Variants in SKAP1 observed in about 807,000 individuals in gnomAD.
SKAP1 encodes the protein src kinase associated phosphoprotein 1, also known as src kinase-associated phosphoprotein 1.
Under a neutral mutation model 58.5 loss-of-function variants are expected in SKAP1, and 44 were observed. The observed-to-expected ratio is 0.75, with a 90% CI of 0.59 to 0.97. The LOEUF (loss-of-function observed/expected upper bound fraction) is 0.97, where lower values mean the gene tolerates loss of function less well. SKAP1 is among the 50% of genes least tolerant of loss of function. The pLI is 0.00. For missense variants in SKAP1, 390 were observed against 435.2 expected (o/e 0.90, Z 0.92); for synonymous variants, 127 against 149.7 (o/e 0.85, Z 1.11).
intron 4 of SKAP1, among the ~76,000 whole-genome samples, chr17:48,208,066 A>G (rs1458920559): frequency 6.6e-6 from 1 of 152,244 alleles, no homozygotes; most frequent in Non-Finnish European, 1.5e-5. Flanking sequence ...TTTAAAAAAT[A>G]ATCAGAAACA....
At chr17:48,140,756 C>T in intron 11 of SKAP1, among the ~76,000 whole-genome samples, 1 of 148,864 alleles carries the variant, frequency 6.7e-6, no homozygotes, top group East Asian at 2.0e-4. Flanking sequence ...TCACCTTCTT[C>T]TTCTTTCTTC....
chr17:48,199,864 G>A (rs1288026059), intron 4 of SKAP1, among the ~76,000 whole-genome samples: 2 of 152,016 alleles, frequency 1.3e-5, no homozygotes, highest in East Asian at 1.9e-4. Flanking sequence ...TGAACAGAAC[G>A]TTATAGTACC....
At chr17:48,409,121 T>C (rs2067628664) in intron 1 of SKAP1, among the ~76,000 whole-genome samples, 1 of 152,194 alleles carries the variant, frequency 6.6e-6, no homozygotes, top group Non-Finnish European at 1.5e-5. Context: ...GTAAAGAAAC[T>C]TGCTCCCAGG....
intron 2 of SKAP1, among the ~76,000 whole-genome samples, chr17:48,370,515 G>A (rs1429758847): frequency 6.6e-6 from 1 of 152,030 alleles, no homozygotes; most frequent in African/African-American, 2.4e-5. Flanking sequence ...GTTGCCCTAG[G>A]CTGGTCTCAA....
intron 4 of SKAP1, among the ~76,000 whole-genome samples, chr17:48,302,347 T>G (rs1191405778): frequency 1.3e-5 from 2 of 152,156 alleles, no homozygotes; most frequent in African/African-American, 2.4e-5. Context: ...AGAACACATA[T>G]TCTTACTTCA....
chr17:48,317,822 A>G (rs780249183), intron 4 of SKAP1, among the ~76,000 whole-genome samples: 1 of 152,184 alleles, frequency 6.6e-6, no homozygotes, highest in Non-Finnish European at 1.5e-5. Context: ...TTAAGTTAGA[A>G]GGCATCATAC....
intron 3 of SKAP1, among the ~76,000 whole-genome samples, chr17:48,346,431 C>T (rs983201964): frequency 6.6e-6 from 1 of 152,074 alleles, no homozygotes; most frequent in African/African-American, 2.4e-5. Flanking sequence ...CAAGATCAGC[C>T]TGGCCAATAT....
At chr17:48,364,472 C>T (rs146923041) in intron 2 of SKAP1, among the ~76,000 whole-genome samples, 81 of 152,234 alleles carry the variant, frequency 5.3e-4, no homozygotes, top group African/African-American at 1.7e-3. Flanking sequence ...GTCAGCAGTT[C>T]GAGACCAGTC....
At chr17:48,262,931 A>G (rs1009019582) in intron 4 of SKAP1, among the ~76,000 whole-genome samples, 1 of 152,240 alleles carries the variant, frequency 6.6e-6, no homozygotes, top group East Asian at 1.9e-4. Context: ...GTCAGCAAGG[A>G]AAAAGAAGCT....
At chr17:48,311,172 G>T (rs1375658293) in intron 4 of SKAP1, among the ~76,000 whole-genome samples, 1 of 152,144 alleles carries the variant, frequency 6.6e-6, no homozygotes, top group African/African-American at 2.4e-5. Flanking sequence ...AGTACAAATC[G>T]AGTGTCACCC....
At chr17:48,302,060 C>T (rs2066065597) in intron 4 of SKAP1, among the ~76,000 whole-genome samples, 1 of 152,166 alleles carries the variant, frequency 6.6e-6, no homozygotes, top group South Asian at 2.1e-4. Context: ...AATAGCGTAT[C>T]ATAATGATCA....
At chr17:48,216,316 T>C (rs1389796056) in intron 4 of SKAP1, among the ~76,000 whole-genome samples, 4 of 152,212 alleles carry the variant, frequency 2.6e-5, no homozygotes, top group Non-Finnish European at 5.9e-5. Flanking sequence ...AGACTCTGAA[T>C]AGAGAGCTTA....
At position 48,277,745 on chromosome 17, in the gene SKAP1, C is replaced by T. The variant is rs2065718146; in HGVS notation, c.280+68160G>A. Among the ~76,000 whole-genome samples the T allele has an allele frequency of 2.0e-5, 3 of 152,144 alleles. No homozygotes were observed. In the South Asian group the frequency reaches 6.2e-4, roughly 32 times the overall value. On this transcript the variant is annotated intron_variant, in intron 4 of 12. Transcript: ENST00000336915. ...CTCCCAAGTAGCTTAGGACTACAGT[C>T]TCATACCTCTATGTCCAGCCAATTT...
At chr17:48,382,743 T>C (rs1008791225) in intron 2 of SKAP1, among the ~76,000 whole-genome samples, 4 of 152,306 alleles carry the variant, frequency 2.6e-5, no homozygotes, top group Admixed American at 2.6e-4. Flanking sequence ...CTGAATGTCC[T>C]CAGTGAAGCC....
intron 4 of SKAP1, among the ~76,000 whole-genome samples, chr17:48,199,032 A>G (rs1490887968): frequency 2.6e-5 from 4 of 152,220 alleles, no homozygotes; most frequent in Non-Finnish European, 1.5e-5. Flanking sequence ...GCATCACTTG[A>G]GAGCCTATCT....
chr17:48,271,778 T>C (rs1478620387), intron 4 of SKAP1, among the ~76,000 whole-genome samples: 1 of 152,198 alleles, frequency 6.6e-6, no homozygotes, highest in East Asian at 1.9e-4. Context: ...ATCTTCTGAT[T>C]TGACTTGGGT....
At chr17:48,198,070 A>G (rs1227050671) in intron 4 of SKAP1, among the ~76,000 whole-genome samples, 1 of 152,224 alleles carries the variant, frequency 6.6e-6, no homozygotes, top group East Asian at 1.9e-4. Flanking sequence ...AGAATGACTA[A>G]CTGTAATAAT....
intron 4 of SKAP1, among the ~76,000 whole-genome samples, chr17:48,228,043 T>C (rs1325585780): frequency 6.6e-6 from 1 of 152,156 alleles, no homozygotes; most frequent in East Asian, 1.9e-4. Context: ...GCAGAGATAT[T>C]ATGACATATA....
intron 4 of SKAP1, among the ~76,000 whole-genome samples, chr17:48,221,172 C>G (rs1339407672): frequency 6.6e-6 from 1 of 151,926 alleles, no homozygotes; most frequent in Non-Finnish European, 1.5e-5. Context: ...GAGGCTGAGG[C>G]AGGAGAAGCG....
Sources: allele counts gnomAD v4.1 joint callset (sites outside exome capture counted in the v4.1 genomes callset), GRCh38; gene constraint gnomAD v4.1.1; transcripts MANE v1.5; gene names NCBI Gene and HGNC (gene_info 2026-07-23, HGNC 2026-07-21).